Variants in ZNF563 observed in about 807,000 individuals in gnomAD.
ZNF563 encodes zinc finger protein 563.
Under a neutral mutation model 48.5 loss-of-function variants are expected in ZNF563, and 39 were observed. That is an observed-to-expected ratio of 0.80 (90% CI 0.62 to 1.05). ZNF563 has a LOEUF of 1.05. Ranked by LOEUF, ZNF563 falls within the 50% of genes least tolerant of loss-of-function variation. The pLI is 0.00. For synonymous variants in ZNF563, 168 were observed against 187.9 expected, an observed-to-expected ratio of 0.89 and a Z score of 0.87; for missense variants, 538 against 597.0, an observed-to-expected ratio of 0.90 and a Z score of 1.03.
rs150698075 is a variant in ZNF563 at position 12,318,982 on chromosome 19, C to T, written c.1043G>A (p.Arg348His). ...TTCATGATATCGAACTAAACTGGGA[C>T]GATCAAAGCCTTTCCCACATATCTT... ...KCKICGKGFD[R>H]PSLVRYHERI... The change falls in exon 4 of 4, where the codon CGT (arginine) becomes CAT (histidine). Residue 348 changes from arginine (R) to histidine (H), a missense_variant. Coordinates refer to ENST00000293725, the MANE Select transcript of ZNF563 (RefSeq NM_145276.3). 5.6e-5 allele frequency: 90 copies of T among 1,613,896 alleles called. No individual in the cohort carries two copies. Among genetic ancestry groups the T allele is most frequent in the African/African-American group, 5.5e-4 (41 of 74,964 alleles).
intron 1 of ZNF563, among the ~76,000 whole-genome samples, chr19:12,323,002 T>C (rs919623618): frequency 5.9e-5 from 9 of 152,080 alleles, no homozygotes; most frequent in African/African-American, 2.2e-4. Flanking sequence ...TAGGTTGTAG[T>C]TCTTGTCAAA....
At chr19:12,344,011 G>C in the ZNF563 span, among the ~76,000 whole-genome samples, 1 of 151,896 alleles carries the variant, frequency 6.6e-6, no homozygotes, top group Non-Finnish European at 1.5e-5. Flanking sequence ...TTACAGGCTT[G>C]AGCCACTGCG....
chr19:12,318,878 G>A lies in ZNF563; in HGVS notation c.1147C>T (p.His383Tyr). The change falls in exon 4 of 4, where the codon CAC (histidine) becomes TAC (tyrosine). Residue 383 changes from histidine to tyrosine, a missense_variant. Coordinates refer to ENST00000293725, the MANE Select transcript of ZNF563 (RefSeq NM_145276.3). ...TLSHSSSFRR[H>Y]MIMHTGGGPH... ...CCACCTCCAGTGTGCATTATCATGT[G>A]TCTTCGAAAGCTTGAGCTATGAGAT... 1 of 1,614,172 alleles carries A rather than the reference G, an allele frequency of 6.2e-7. No individual in the cohort carries two copies. The highest frequency in any genetic ancestry group is 8.5e-7 in the Non-Finnish European group (1 of 1,180,020).
upstream of ZNF563, among the ~76,000 whole-genome samples, chr19:12,336,856 C>G (rs1969026339): frequency 6.6e-6 from 1 of 152,172 alleles, no homozygotes; most frequent in Non-Finnish European, 1.5e-5. Flanking sequence ...TTGACCCAAA[C>G]AGTCATATCT....
the ZNF563 span, among the ~76,000 whole-genome samples, chr19:12,342,389 A>T: frequency 2.0e-5 from 3 of 152,178 alleles, no homozygotes; most frequent in South Asian, 4.1e-4. Context: ...AATAAGTGTA[A>T]ATTAATTCAT....
chr19:12,341,846 A>G, the ZNF563 span, among the ~76,000 whole-genome samples: 1 of 152,174 alleles, frequency 6.6e-6, no homozygotes, highest in Non-Finnish European at 1.5e-5. Context: ...CAACAACACA[A>G]TAAGCAAAAC....
chr19:12,346,529 C>T, the ZNF563 span: 1 of 152,186 alleles, frequency 6.6e-6, no homozygotes, highest in African/African-American at 2.4e-5. Flanking sequence ...AAGCAATATA[C>T]CTGTTCCTGA....
chr19:12,336,026 C>T (rs1057041722), upstream of ZNF563, among the ~76,000 whole-genome samples: 2 of 152,212 alleles, frequency 1.3e-5, no homozygotes, highest in Non-Finnish European at 2.9e-5. Context: ...ACTTGCTTCT[C>T]ACCAGCACTG....
At chr19:12,338,333 C>T (rs1969039578), upstream of ZNF563, among the ~76,000 whole-genome samples, 1 of 152,126 alleles carries the variant, frequency 6.6e-6, no homozygotes, top group Non-Finnish European at 1.5e-5. Flanking sequence ...CTGCAACCTC[C>T]ACCTCCTGGG....
the ZNF563 span, chr19:12,347,271 G>A: frequency 6.6e-6 from 1 of 152,116 alleles, no homozygotes; most frequent in Non-Finnish European, 1.5e-5. Context: ...CAAATTCTCA[G>A]TGACCTGTGA....
the ZNF563 span, among the ~76,000 whole-genome samples, chr19:12,344,362 C>CAA: frequency 4.5e-4 from 33 of 72,804 alleles, no homozygotes; most frequent in Non-Finnish European, 7.3e-4. Context: ...GACATTGTCT[C>CAA]AAAAAAAAAA....
upstream of ZNF563, among the ~76,000 whole-genome samples, chr19:12,336,238 A>G (rs1403986493): frequency 1.3e-5 from 2 of 152,040 alleles, no homozygotes; most frequent in African/African-American, 4.8e-5. Context: ...GGGCAGGAGG[A>G]TTGCTTGAGC....
the ZNF563 span, among the ~76,000 whole-genome samples, chr19:12,345,265 C>G: frequency 6.6e-6 from 1 of 152,176 alleles, no homozygotes; most frequent in African/African-American, 2.4e-5. Flanking sequence ...CTCTAGGGAT[C>G]TCTAATACCA....
intron 1 of ZNF563, 21 bp downstream of exon 1, chr19:12,333,457 GAC>G (rs1568479985): frequency 6.2e-7 from 1 of 1,613,388 alleles, no homozygotes; most frequent in South Asian, 1.1e-5. Flanking sequence ...CCACTTTTGG[GAC>G]GCCTGACCCT....
chr19:12,319,702 C>T lies in ZNF563; in HGVS notation c.323G>A (p.Cys108Tyr), dbSNP rs779617172. 2 of 1,614,144 alleles carry T rather than the reference C, an allele frequency of 1.2e-6. No homozygotes were observed. Among genetic ancestry groups the T allele is most frequent in the South Asian group, 1.1e-5 (1 of 91,082 alleles). The change falls in exon 4 of 4, where the codon TGT becomes TAT. Residue 108 changes from cysteine (C) to tyrosine (Y), a missense_variant. Physicochemically the swap from Cys to Tyr is radical, Grantham distance 194. Transcript: ENST00000293725. ...TAAATGACCCATTATGACTTCTTCA[C>T]ACTCAGCGCTTTGACATGGATCTTC... ...PGEDPCQSAE[C>Y]EEVIMGHLSL...
chr19:12,327,411 G>A (rs1244325951), intron 1 of ZNF563, among the ~76,000 whole-genome samples: 1 of 144,456 alleles, frequency 6.9e-6, no homozygotes, highest in African/African-American at 2.6e-5. Context: ...AGTGAGCCAA[G>A]ATCGTGCCAC....
the ZNF563 span, among the ~76,000 whole-genome samples, chr19:12,342,493 T>C: frequency 7.1e-6 from 1 of 140,532 alleles, no homozygotes; most frequent in Non-Finnish European, 1.5e-5. Flanking sequence ...AAAAAAGAGG[T>C]TGGGGGTGGT....
At chr19:12,329,519 G>A (rs574171498) in intron 1 of ZNF563, among the ~76,000 whole-genome samples, 1 of 150,652 alleles carries the variant, frequency 6.6e-6, no homozygotes, top group Non-Finnish European at 1.5e-5. Flanking sequence ...ACCAACAGAT[G>A]ATTCTCTGAA....
intron 3 of ZNF563, among the ~76,000 whole-genome samples, 186 bp from the exon 4 acceptor site, chr19:12,320,019 C>T (rs1242295464): frequency 6.6e-6 from 1 of 151,690 alleles, no homozygotes; most frequent in African/African-American, 2.4e-5. Context: ...CGGGTTCAAG[C>T]GATTCTCCTG....
Sources: allele counts gnomAD v4.1 joint callset (sites outside exome capture counted in the v4.1 genomes callset), GRCh38; gene constraint gnomAD v4.1.1; transcripts MANE v1.5; gene names NCBI Gene and HGNC (gene_info 2026-07-23, HGNC 2026-07-21).